SLC28A1: variants seen among roughly 807,000 people sequenced by gnomAD.
SLC28A1 encodes sodium/nucleoside cotransporter 1.
SLC28A1 carries 64 observed loss-of-function variants against 74.8 expected under a neutral mutation model. That is an observed-to-expected ratio of 0.86 (90% confidence interval 0.70 to 1.05). The LOEUF (loss-of-function observed/expected upper bound fraction) is 1.05. SLC28A1 is among the 50% of genes least tolerant of loss of function. The pLI, the probability that SLC28A1 is intolerant of heterozygous loss-of-function variation, is 0.00. For synonymous variants in SLC28A1, 359 were observed against 335.0 expected (o/e 1.07, Z -0.78); for missense variants, 828 against 822.8 (o/e 1.01, Z -0.08).
chr15:84,928,880 C>G (rs1400642064), intron 12 of SLC28A1, among the ~76,000 whole-genome samples: 1 of 151,934 alleles, frequency 6.6e-6, no homozygotes, highest in Non-Finnish European at 1.5e-5. Flanking sequence ...GCCTCGGCCT[C>G]CCAAACTGCT....
At chr15:84,962,470 C>T in the SLC28A1 span, among the ~76,000 whole-genome samples, 1 of 152,042 alleles carries the variant, frequency 6.6e-6, no homozygotes, top group Non-Finnish European at 1.5e-5. Flanking sequence ...TAGAGTCTTG[C>T]TCCGTCGCCC....
chr15:84,913,743 C>G (rs1968687017), intron 9 of SLC28A1, among the ~76,000 whole-genome samples: 1 of 152,160 alleles, frequency 6.6e-6, no homozygotes, highest in African/African-American at 2.4e-5. Flanking sequence ...TTGAAGGGGA[C>G]TGCCTTAGTC....
chr15:84,905,667 T>G lies in SLC28A1; in HGVS notation c.717+15T>G, dbSNP rs1596258639. 6.4e-7 allele frequency: 1 copy of G among 1,572,736 alleles called. No individual in the cohort carries two copies. Among genetic ancestry groups the G allele is most frequent in the Non-Finnish European group, 8.8e-7 (1 of 1,142,692 alleles). On this transcript the variant is annotated intron_variant, in intron 8 of 18. Transcript: ENST00000394573. ...AGCAGATCCGGGTAGGTATGTGGGG[T>G]CTGGCTGCCCAGAGCATCTTAGATT...
At chr15:84,953,656 AG>A in the SLC28A1 span, among the ~76,000 whole-genome samples, 1 of 152,218 alleles carries the variant, frequency 6.6e-6, no homozygotes, top group African/African-American at 2.4e-5. Flanking sequence ...CAGGAATGTG[AG>A]GCTACAGTGA....
Position 84,895,025 on chromosome 15 carries a change from C to T in SLC28A1, c.363C>T (p.Thr121=). 6.2e-7 allele frequency: 1 copy of T among 1,614,224 alleles called. No individual in the cohort carries two copies. The highest frequency in any genetic ancestry group is 1.6e-4 in the Middle Eastern group (1 of 6,062). The change falls in exon 6 of 19, where the codon ACC becomes ACT. Residue 121 remains threonine (T), a synonymous_variant. Coordinates refer to ENST00000394573, the MANE Select transcript of SLC28A1 (RefSeq NM_004213.5). ...ALFVLTCVVL[T]FLGHRLLKRL... Reference sequence around the variant, plus strand: ...TTGTCCTCACCTGTGTGGTCCTCACCTTCCTGGGCCACCGCCTGCTGAAAC... The same window carrying T: ...TTGTCCTCACCTGTGTGGTCCTCACTTTCCTGGGCCACCGCCTGCTGAAAC...
At chr15:84,907,716 CA>C (rs1435196130) in intron 8 of SLC28A1, among the ~76,000 whole-genome samples, 3 of 152,120 alleles carry the variant, frequency 2.0e-5, no homozygotes, top group Admixed American at 6.6e-5. Flanking sequence ...TCATCAAGGA[CA>C]TAGGTTAAAT....
chr15:84,969,369 C>G, the SLC28A1 span, among the ~76,000 whole-genome samples: 2 of 152,186 alleles, frequency 1.3e-5, no homozygotes, highest in African/African-American at 4.8e-5. Context: ...CCCTGGCAAG[C>G]CTTCACGCTG....
At chr15:84,938,486 G>A (rs971813757) in intron 15 of SLC28A1, 2 of 152,082 alleles carry the variant, frequency 1.3e-5, no homozygotes, top group East Asian at 1.9e-4. Context: ...TCTCCGTATC[G>A]TTCTGATTTT....
At position 84,908,709 on chromosome 15, in the gene SLC28A1, T is replaced by C. The variant is rs764255613; in HGVS notation, c.718-9T>C. 3 of 1,612,576 alleles carry C rather than the reference T, an allele frequency of 1.9e-6. No homozygotes were observed. Among genetic ancestry groups the C allele is most frequent in the East Asian group, 2.2e-5 (1 of 44,856 alleles). On this transcript the variant is annotated splice_polypyrimidine_tract_variant and intron_variant, in intron 8 of 18. Coordinates refer to ENST00000394573, the MANE Select transcript of SLC28A1 (RefSeq NM_004213.5). ...GCCTGTTTTTGTTTGTTTTGCTTTTTTCTTTCAGATCTTCCTGAGCTACAC... is the reference window on the plus strand; with the variant it reads ...GCCTGTTTTTGTTTGTTTTGCTTTTCTCTTTCAGATCTTCCTGAGCTACAC...
At chr15:84,944,974 G>C in intron 18 of SLC28A1, 107 bp downstream of exon 18, 2 of 1,070,868 alleles carry the variant, frequency 1.9e-6, no homozygotes, top group East Asian at 4.8e-5. Flanking sequence ...GAAATGTTAC[G>C]GCTGCAGCTA....
the SLC28A1 span, among the ~76,000 whole-genome samples, chr15:84,963,049 G>T: frequency 5.3e-5 from 8 of 152,304 alleles, no homozygotes; most frequent in African/African-American, 1.7e-4. Flanking sequence ...CCTCAGCACT[G>T]CCTAAGACCC....
intron 9 of SLC28A1, among the ~76,000 whole-genome samples, chr15:84,913,187 A>G (rs1025738549): frequency 8.5e-5 from 13 of 152,296 alleles, no homozygotes; most frequent in Non-Finnish European, 4.4e-5. Flanking sequence ...GTACTGGTAC[A>G]GTGTGCACCA....
intron 6 of SLC28A1, among the ~76,000 whole-genome samples, chr15:84,899,564 G>C (rs1480766861): frequency 6.6e-6 from 1 of 152,134 alleles, no homozygotes; most frequent in East Asian, 1.9e-4. Flanking sequence ...CAGATTTCTT[G>C]TCAAAAATGA....
chr15:84,913,665 G>T (rs570015079), intron 9 of SLC28A1, among the ~76,000 whole-genome samples: 1 of 152,320 alleles, frequency 6.6e-6, no homozygotes, highest in South Asian at 2.1e-4. Context: ...CTTGAGTTAT[G>T]GTACTAGCAG....
At chr15:84,963,093 G>T in the SLC28A1 span, among the ~76,000 whole-genome samples, 1 of 152,164 alleles carries the variant, frequency 6.6e-6, no homozygotes, top group African/African-American at 2.4e-5. Flanking sequence ...AATGGGGGAG[G>T]GAGACTCAAC....
At position 84,891,869 on chromosome 15, in the gene SLC28A1, CTTTG is replaced by C. The variant is rs372223011; in HGVS notation, c.277+1341_277+1344del. 9.9e-5 allele frequency among the ~76,000 whole-genome samples: 15 copies of C among 152,158 alleles called. No homozygotes were observed. In the East Asian group the frequency reaches 1.7e-3, roughly 18 times the overall value. On this transcript the variant is annotated intron_variant, in intron 5 of 18. Transcript: ENST00000394573. ...GGGCATGAGTTTGGGGTGGGAGACA[CTTTG>C]TTTGTACGAGCTGAGGTGGGGAGTT... is the stretch of plus-strand genomic sequence containing the variant.
In SLC28A1 at chr15:84,915,488, C is replaced by T. The variant is rs200180706; in HGVS notation, c.796-3036C>T. 7.2e-5 allele frequency among the ~76,000 whole-genome samples: 11 copies of T among 152,326 alleles called. 1 individual carries two copies. The East Asian group carries it at 7.7e-4, about 11-fold the overall frequency. On this transcript the variant is annotated intron_variant, in intron 9 of 18. Coordinates refer to ENST00000394573, the MANE Select transcript of SLC28A1 (RefSeq NM_004213.5). ...CCCTTGCCGGGCCCTCACCAGTCTC[C>T]GGCAGTGAGCACAGTGCTGCTTCTT...
the SLC28A1 span, among the ~76,000 whole-genome samples, chr15:84,966,116 C>T: frequency 6.6e-6 from 1 of 152,152 alleles, no homozygotes; most frequent in African/African-American, 2.4e-5. Flanking sequence ...CTTGCTCTGT[C>T]ACCCACACTG....
Position 84,933,215 on chromosome 15 carries a change from T to C in SLC28A1, c.1154T>C (p.Val385Ala), listed in dbSNP as rs200235642. ...APCALALSKL[V>A]YPEVEESKFR... ...TGTGCCTTGGCCCTCTCCAAGCTGG[T>C]CTACCCGGAGGTGGAGGAGTCCAAG... The change falls in exon 13 of 19, where the codon GTC (valine) becomes GCC (alanine). Residue 385 changes from valine to alanine, a missense_variant. By Grantham distance (64) the Val-to-Ala change is moderately conservative (BLOSUM62 0). This residue lies in a region of SLC28A1 where 767 missense variants were observed against 753.5 expected (regional missense o/e 1.02). Transcript: ENST00000394573. 8.9e-5 allele frequency: 143 copies of C among 1,613,668 alleles called. No homozygotes were observed. The highest frequency in any genetic ancestry group is 1.6e-4 in the Middle Eastern group (1 of 6,082).
Sources: gnomAD v4.1 joint callset for allele counts (sites outside exome capture counted in the v4.1 genomes callset) on GRCh38, gnomAD v4.1.1 for gene constraint, gnomAD v4.1.1 regional missense constraint, MANE v1.5 for transcripts, NCBI Gene and HGNC (gene_info 2026-07-23, HGNC 2026-07-21) for gene names.